Variants in DPF3 observed in about 807,000 individuals in gnomAD.
The protein encoded by DPF3 is zinc finger protein DPF3.
A neutral mutation model predicts 56.8 loss-of-function variants in DPF3; 18 were observed. The ratio of observed to expected loss-of-function variants is 0.32; its 90% CI spans 0.22 to 0.47. The LOEUF (loss-of-function observed/expected upper bound fraction) is 0.47, where lower values mean the gene tolerates loss of function less well. Ranked by LOEUF, DPF3 falls within the 20% of genes least tolerant of loss-of-function variation. The pLI is 1.00. For missense variants in DPF3, 403 were observed against 488.8 expected, an observed-to-expected ratio of 0.82 and a Z score of 1.65; for synonymous variants, 188 against 180.2, an observed-to-expected ratio of 1.04 and a Z score of -0.35.
rs1884029405 is a variant in DPF3 at position 72,615,348 on chromosome 14, A to T, written c.*3949T>A. Among the ~76,000 whole-genome samples, 1 of 152,202 alleles carries T rather than the reference A, an allele frequency of 6.6e-6. No homozygotes were observed. The highest frequency in any genetic ancestry group is 2.4e-5 in the African/African-American group (1 of 41,458). ...CAACCTTTCTTCAGCGGCATAAAAGAGCACAGGTCTCCTCCACTTGCCCCG... is the reference window on the plus strand; with the variant it reads ...CAACCTTTCTTCAGCGGCATAAAAGTGCACAGGTCTCCTCCACTTGCCCCG... On this transcript the variant is annotated 3_prime_UTR_variant, in exon 11 of 11. Coordinates refer to ENST00000556509, the MANE Select transcript of DPF3 (RefSeq NM_001280542.3).
chr14:72,661,659 G>A (rs1283302067), intron 8 of DPF3: 11 of 985,146 alleles, frequency 1.1e-5, no homozygotes, highest in East Asian at 1.1e-4. Context: ...TAGAACACCC[G>A]CCGTCTTCCT....
chr14:72,719,002 C>T (rs551332515), intron 5 of DPF3, among the ~76,000 whole-genome samples: 2 of 151,204 alleles, frequency 1.3e-5, no homozygotes, highest in East Asian at 3.9e-4. Context: ...AATCTCCTGA[C>T]CTCGTGATCC....
rs139722452 is a variant in DPF3 at position 72,760,284 on chromosome 14, G to C, written c.194-6913C>G. Reference sequence around the variant, plus strand: ...TCGGGAGTTCGAGAACCGCCTGACCGACATGGAGAAACCCCATCTCGACTA... The same window carrying C: ...TCGGGAGTTCGAGAACCGCCTGACCCACATGGAGAAACCCCATCTCGACTA... On this transcript the variant is annotated intron_variant, in intron 2 of 10. Coordinates refer to ENST00000556509, the MANE Select transcript of DPF3 (RefSeq NM_001280542.3). Among the ~76,000 whole-genome samples the C allele has an allele frequency of 2.0e-5, 3 of 152,104 alleles. No homozygotes were observed. In the South Asian group the frequency reaches 6.2e-4, roughly 32 times the overall value.
chr14:72,796,221 A>G (rs888495024), intron 1 of DPF3, among the ~76,000 whole-genome samples: 2 of 152,160 alleles, frequency 1.3e-5, no homozygotes, highest in African/African-American at 2.4e-5. Context: ...CTATAAAAGG[A>G]GGCAGAGGCC....
chr14:72,635,981 AC>A (rs1417552575), intron 8 of DPF3, among the ~76,000 whole-genome samples: 5 of 152,336 alleles, frequency 3.3e-5, no homozygotes, highest in Admixed American at 1.3e-4. Context: ...ATCTAATTAT[AC>A]TTTATTACCT....
chr14:72,754,848 C>G (rs1890724378), intron 2 of DPF3, among the ~76,000 whole-genome samples: 1 of 152,208 alleles, frequency 6.6e-6, no homozygotes, highest in Non-Finnish European at 1.5e-5. Context: ...ACTCAGGTCT[C>G]TTTATGTTTA....
At chr14:72,884,573 A>G (rs149289209) in intron 1 of DPF3, among the ~76,000 whole-genome samples, 1 of 152,070 alleles carries the variant, frequency 6.6e-6, no homozygotes, top group African/African-American at 2.4e-5. Context: ...GAAGGGAGAC[A>G]CAAGCTCTCC....
intron 8 of DPF3, among the ~76,000 whole-genome samples, chr14:72,665,907 T>A (rs1264395702): frequency 1.3e-5 from 2 of 152,218 alleles, no homozygotes; most frequent in Non-Finnish European, 2.9e-5. Flanking sequence ...ATTTCAGAAG[T>A]AAATTTTTTA....
At chr14:72,871,646 T>C (rs546449733) in intron 1 of DPF3, among the ~76,000 whole-genome samples, 27 of 152,116 alleles carry the variant, frequency 1.8e-4, no homozygotes, top group African/African-American at 6.0e-4. Context: ...ATTAAAATGG[T>C]AATGAGGCTG....
intron 8 of DPF3, chr14:72,671,512 A>T (rs757595480): frequency 1.1e-6 from 1 of 941,624 alleles, no homozygotes; most frequent in Non-Finnish European, 1.7e-6. Flanking sequence ...CAAAGCAAAC[A>T]TTTCCAGGGA....
chr14:72,620,200 C>A (rs1182782632), intron 9 of DPF3, among the ~76,000 whole-genome samples: 1 of 152,156 alleles, frequency 6.6e-6, no homozygotes, highest in Non-Finnish European at 1.5e-5. Flanking sequence ...AAATCCTACC[C>A]CCATTTTAGG....
chr14:72,717,753 T>C (rs2153576125), intron 5 of DPF3, among the ~76,000 whole-genome samples: 1 of 152,330 alleles, frequency 6.6e-6, no homozygotes, highest in East Asian at 1.9e-4. Flanking sequence ...CTGTCCACAG[T>C]CCCAGGGCCA....
chr14:72,699,330 G>A (rs1888054949), intron 6 of DPF3, among the ~76,000 whole-genome samples: 1 of 151,792 alleles, frequency 6.6e-6, no homozygotes, highest in Non-Finnish European at 1.5e-5. Flanking sequence ...CACCCATCTG[G>A]GCAACATAGC....
intron 4 of DPF3, among the ~76,000 whole-genome samples, chr14:72,730,936 A>T (rs1350006048): frequency 2.6e-5 from 4 of 152,146 alleles, no homozygotes; most frequent in Non-Finnish European, 5.9e-5. Flanking sequence ...TGGGAGGCTG[A>T]GGCAGGCGAT....
chr14:72,858,899 T>C (rs1885273210), intron 1 of DPF3, among the ~76,000 whole-genome samples: 1 of 152,204 alleles, frequency 6.6e-6, no homozygotes, highest in Non-Finnish European at 1.5e-5. Context: ...ATATACATCA[T>C]TTCTATAAAA....
At chr14:72,741,935 C>A (rs568726915) in intron 3 of DPF3, among the ~76,000 whole-genome samples, 57 of 152,352 alleles carry the variant, frequency 3.7e-4, no homozygotes, top group African/African-American at 1.3e-3. Flanking sequence ...TGCCTGCTGC[C>A]AGCCCACCTC....
intron 8 of DPF3, among the ~76,000 whole-genome samples, chr14:72,652,841 A>C (rs2153568672): frequency 6.6e-6 from 1 of 152,284 alleles, no homozygotes; most frequent in East Asian, 1.9e-4. Context: ...GGGAGTTTGC[A>C]AGGGTTGGGT....
Position 72,838,906 on chromosome 14 carries a change from T to TATATA in DPF3, c.32+55150_32+55151insTATAT, listed in dbSNP as rs375598670. 2.3e-3 allele frequency among the ~76,000 whole-genome samples: 203 copies of TATATA among 87,670 alleles called. 6 individuals carry two copies. Among genetic ancestry groups the TATATA allele is most frequent in the South Asian group, 3.6e-3 (10 of 2,746 alleles). 57.5% of individuals were successfully genotyped at this position (87,670 alleles called of 152,430 possible). ...TCTATCATATATATTATCATATATATTCTTTTTTTTTTTTTTTTTTTTTTT... is the reference window on the plus strand; with the variant it reads ...TCTATCATATATATTATCATATATATATATATCTTTTTTTTTTTTTTTTTTTTTTT... On this transcript the variant is annotated intron_variant, in intron 1 of 10. Coordinates refer to ENST00000556509, the MANE Select transcript of DPF3 (RefSeq NM_001280542.3).
intron 6 of DPF3, among the ~76,000 whole-genome samples, chr14:72,709,267 A>G (rs917296162): frequency 6.6e-6 from 1 of 152,176 alleles, no homozygotes; most frequent in Non-Finnish European, 1.5e-5. Context: ...TGGCCTTGAG[A>G]GGGCCCGCTC....
Sources: gnomAD v4.1 joint callset for allele counts (sites outside exome capture counted in the v4.1 genomes callset) on GRCh38, gnomAD v4.1.1 for gene constraint, MANE v1.5 for transcripts, NCBI Gene and HGNC (gene_info 2026-07-23, HGNC 2026-07-21) for gene names.